The following LRRC28 variants were observed in gnomAD, a reference collection of about 807,000 sequenced individuals.
LRRC28 encodes the protein leucine-rich repeat-containing protein 28.
In LRRC28, 39 loss-of-function variants were observed where a neutral mutation model predicts 45.7. The observed-to-expected ratio is 0.85, with a 90% CI of 0.66 to 1.12. The LOEUF (loss-of-function observed/expected upper bound fraction) is 1.12, where lower values mean the gene tolerates loss of function less well. Ranked by LOEUF, LRRC28 falls within the 50% of genes most tolerant of loss-of-function variation. The pLI, the probability that LRRC28 is intolerant of heterozygous loss-of-function variation, is 0.00. For missense variants in LRRC28, 435 were observed against 438.5 expected (o/e 0.99, Z 0.07); for synonymous variants, 206 against 178.8 (o/e 1.15, Z -1.22).
At chr15:99,380,544 A>G (rs1597473131) in intron 9 of LRRC28, among the ~76,000 whole-genome samples, 1 of 152,150 alleles carries the variant, frequency 6.6e-6, no homozygotes, top group Non-Finnish European at 1.5e-5. Flanking sequence ...TTTAAGGTTA[A>G]TATTGTTATG....
chr15:99,327,107 C>T (rs1956007858), intron 5 of LRRC28, among the ~76,000 whole-genome samples: 1 of 152,020 alleles, frequency 6.6e-6, no homozygotes, highest in African/African-American at 2.4e-5. Flanking sequence ...AAGAGTCTTG[C>T]TCTGTCGCCT....
At chr15:99,283,566 A>T (rs2081870504) in intron 3 of LRRC28, among the ~76,000 whole-genome samples, 1 of 146,180 alleles carries the variant, frequency 6.8e-6, no homozygotes, top group South Asian at 2.2e-4. Flanking sequence ...CAGTGAGCAG[A>T]GATCGAGCCA....
intron 2 of LRRC28, among the ~76,000 whole-genome samples, chr15:99,272,711 G>A (rs1204730393): frequency 2.0e-5 from 3 of 152,164 alleles, no homozygotes; most frequent in Non-Finnish European, 1.5e-5. Context: ...ATGTAAATGA[G>A]ATTTAATGAA....
Position 99,255,931 on chromosome 15 carries a change from A to T in LRRC28, c.-27A>T. 6.2e-7 allele frequency: 1 copy of T among 1,606,438 alleles called. No homozygotes were observed. ...CAATTTTGACAAGATATAGTGCTGCAGCGTGCCTGATGGGATATATTCAGT... is the reference window on the plus strand; with the variant it reads ...CAATTTTGACAAGATATAGTGCTGCTGCGTGCCTGATGGGATATATTCAGT... On this transcript the variant is annotated 5_prime_UTR_variant, in exon 2 of 10. Transcript: ENST00000301981.
At chr15:99,265,512 T>G (rs1164222613) in intron 2 of LRRC28, among the ~76,000 whole-genome samples, 2 of 152,192 alleles carry the variant, frequency 1.3e-5, no homozygotes, top group Non-Finnish European at 1.5e-5. Flanking sequence ...TGACACGGTC[T>G]TAGTGTGCAG....
intron 5 of LRRC28, among the ~76,000 whole-genome samples, chr15:99,294,742 A>G (rs1285898344): frequency 6.6e-6 from 1 of 152,188 alleles, no homozygotes; most frequent in Non-Finnish European, 1.5e-5. Flanking sequence ...TCCTGAGACC[A>G]TTGCATTGGT....
At chr15:99,263,837 C>T (rs2081264374) in intron 2 of LRRC28, among the ~76,000 whole-genome samples, 1 of 151,872 alleles carries the variant, frequency 6.6e-6, no homozygotes, top group African/African-American at 2.4e-5. Flanking sequence ...AAGACACTGA[C>T]AATAGATACA....
At chr15:99,348,541 G>A (rs1307043383) in intron 6 of LRRC28, among the ~76,000 whole-genome samples, 1 of 152,000 alleles carries the variant, frequency 6.6e-6, no homozygotes, top group Admixed American at 6.6e-5. Flanking sequence ...TCTGTTCCCT[G>A]TTATGTCCTC....
chr15:99,284,929 G>A (rs1319523706), intron 3 of LRRC28: 5 of 601,700 alleles, frequency 8.3e-6, no homozygotes, highest in Admixed American at 1.9e-5. Context: ...TTTCCTCCAC[G>A]ACCAAAGTTG....
intron 6 of LRRC28, among the ~76,000 whole-genome samples, chr15:99,335,712 T>G (rs191556444): frequency 6.6e-6 from 1 of 152,198 alleles, no homozygotes; most frequent in Non-Finnish European, 1.5e-5. Context: ...CCTCTCCTTG[T>G]GGTAAGTACC....
intron 2 of LRRC28, among the ~76,000 whole-genome samples, chr15:99,260,274 G>C: frequency 6.6e-6 from 1 of 152,070 alleles, no homozygotes. Context: ...AAATAAAAAA[G>C]ATTTCCTCCC....
chr15:99,317,700 A>C (rs1247799028), intron 5 of LRRC28, among the ~76,000 whole-genome samples: 4 of 152,162 alleles, frequency 2.6e-5, no homozygotes, highest in Non-Finnish European at 5.9e-5. Context: ...CAAATATTAT[A>C]GGAGAGTAGA....
rs573226062 is a variant in LRRC28, at chr15:99,377,253, T to G, written c.1032-8777T>G. ...GATCGCCATTCTAACTGGTGTGAGA[T>G]GGTATCTCATTGTGGTTGTGACTTG... On this transcript the variant is annotated intron_variant, in intron 9 of 9. Coordinates refer to ENST00000301981, the MANE Select transcript of LRRC28 (RefSeq NM_144598.5). 1.4e-3 allele frequency among the ~76,000 whole-genome samples: 212 copies of G among 151,770 alleles called. 8 individuals are homozygous for G. Among genetic ancestry groups the G allele is most frequent in the African/African-American group, 4.2e-3 (174 of 41,030 alleles).
chr15:99,323,637 C>A (rs1955875729), intron 5 of LRRC28, among the ~76,000 whole-genome samples: 1 of 152,100 alleles, frequency 6.6e-6, no homozygotes, highest in Admixed American at 6.6e-5. Flanking sequence ...TTAGAGTTAA[C>A]AAACATGTTT....
chr15:99,373,009 A>G (rs1957526087), intron 9 of LRRC28, among the ~76,000 whole-genome samples: 1 of 148,206 alleles, frequency 6.7e-6, no homozygotes, highest in Non-Finnish European at 1.5e-5. Flanking sequence ...AAACAGGAGC[A>G]TGGGGGTAAC....
intron 1 of LRRC28, among the ~76,000 whole-genome samples, chr15:99,252,417 A>T (rs1412931750): frequency 6.6e-6 from 1 of 152,214 alleles, no homozygotes; most frequent in South Asian, 2.1e-4. Flanking sequence ...TTTTTGAGGC[A>T]GCCAATCCCA....
At chr15:99,361,549 A>C (rs371984699) in intron 8 of LRRC28, 38 bp downstream of exon 8, 2 of 1,536,762 alleles carry the variant, frequency 1.3e-6, no homozygotes, top group African/African-American at 2.8e-5. Flanking sequence ...TTTCTCTCTC[A>C]TTTAGTGAAC....
chr15:99,253,932 T>A (rs2080940920), intron 1 of LRRC28, among the ~76,000 whole-genome samples: 1 of 152,214 alleles, frequency 6.6e-6, no homozygotes, highest in African/African-American at 2.4e-5. Flanking sequence ...TTCCTGCTTC[T>A]CCGGCTTGAG....
intron 9 of LRRC28, among the ~76,000 whole-genome samples, 175 bp from the exon 10 acceptor site, chr15:99,385,855 C>A (rs2152563726): frequency 6.6e-6 from 1 of 151,810 alleles, no homozygotes; most frequent in South Asian, 2.1e-4. Context: ...TTCACATGTA[C>A]ATACTTCACC....
Sources: allele counts gnomAD v4.1 joint callset (sites outside exome capture counted in the v4.1 genomes callset), GRCh38; gene constraint gnomAD v4.1.1; transcripts MANE v1.5; gene names NCBI Gene and HGNC (gene_info 2026-07-23, HGNC 2026-07-21).